Variants in GRM3 observed in about 807,000 individuals in gnomAD.
GRM3 encodes glutamate metabotropic receptor 3, also known as metabotropic glutamate receptor 3.
Under a neutral mutation model 70.5 loss-of-function variants are expected in GRM3, and 26 were observed. That is an observed-to-expected ratio of 0.37 (90% CI 0.27 to 0.51). The LOEUF (loss-of-function observed/expected upper bound fraction) is 0.51. GRM3 is among the 20% of genes least tolerant of loss of function. The pLI, the probability that GRM3 is intolerant of heterozygous loss-of-function variation, is 0.93. For synonymous variants in GRM3, 443 were observed against 434.9 expected, an observed-to-expected ratio of 1.02 and a Z score of -0.23; for missense variants, 859 against 1,123.8, an observed-to-expected ratio of 0.76 and a Z score of 3.37.
At chr7:86,780,136 G>T (rs1420394461) in intron 2 of GRM3, among the ~76,000 whole-genome samples, 1 of 152,172 alleles carries the variant, frequency 6.6e-6, no homozygotes, top group Middle Eastern at 3.4e-3. Context: ...TTGGACATTT[G>T]GGTTGGTTCC....
rs1304520905 is a variant in GRM3 at position 86,839,506 on chromosome 7, C to T, written c.1992C>T (p.Asn664=). ...ACTCAGCCCTGCTGACCAAGACAAACTGCATTGCCCGCATCTTCGATGGGG... is the reference window on the plus strand; with the variant it reads ...ACTCAGCCCTGCTGACCAAGACAAATTGCATTGCCCGCATCTTCGATGGGG... ...ICYSALLTKT[N]CIARIFDGVK... The change falls in exon 4 of 6, where the codon AAC becomes AAT. Residue 664 remains asparagine, a synonymous_variant. Coordinates refer to ENST00000361669, the MANE Select transcript of GRM3 (RefSeq NM_000840.3). This position sits in a 1 kb window ranked among gnomAD's most constrained non-coding sequence, Gnocchi z 4.5. 2.5e-6 allele frequency: 4 copies of T among 1,608,156 alleles called. No homozygotes were observed. In the Admixed American group the frequency reaches 6.7e-5, roughly 27 times the overall value.
chr7:86,736,419 A>G (rs1326181665), intron 1 of GRM3, among the ~76,000 whole-genome samples: 2 of 152,234 alleles, frequency 1.3e-5, no homozygotes, highest in Admixed American at 6.5e-5. Context: ...TTTGTAACAA[A>G]CAAATCCCAA....
intron 3 of GRM3, among the ~76,000 whole-genome samples, chr7:86,826,734 C>T (rs1481941185): frequency 6.6e-6 from 1 of 152,152 alleles, no homozygotes; most frequent in Non-Finnish European, 1.5e-5. Flanking sequence ...ACCAAGGTTT[C>T]TCAACTTCAG....
chr7:86,845,733 C>A (rs143263590), intron 4 of GRM3, among the ~76,000 whole-genome samples: 84 of 152,230 alleles, frequency 5.5e-4, no homozygotes, highest in Non-Finnish European at 1.0e-3. Flanking sequence ...ATAAATAAGA[C>A]ACATTTGTTT....
chr7:86,853,459 C>A (rs1177531786), intron 5 of GRM3, among the ~76,000 whole-genome samples: 2 of 152,156 alleles, frequency 1.3e-5, no homozygotes, highest in Non-Finnish European at 2.9e-5. Flanking sequence ...ATCCATTTCC[C>A]TCCTAAATAC....
intron 3 of GRM3, among the ~76,000 whole-genome samples, chr7:86,826,744 G>A (rs1480802078): frequency 6.6e-6 from 1 of 152,138 alleles, no homozygotes; most frequent in East Asian, 1.9e-4. Context: ...CTCAACTTCA[G>A]CACTATTGAC....
intron 2 of GRM3, among the ~76,000 whole-genome samples, chr7:86,773,792 A>G (rs1796807239): frequency 6.6e-6 from 1 of 152,116 alleles, no homozygotes; most frequent in South Asian, 2.1e-4. Context: ...TCTCATCAGA[A>G]GTAATTATCT....
chr7:86,735,973 C>G (rs1271497553), intron 1 of GRM3, among the ~76,000 whole-genome samples: 1 of 152,174 alleles, frequency 6.6e-6, no homozygotes, highest in African/African-American at 2.4e-5. Context: ...GAAATATAGA[C>G]TTGCCCAAGG....
chr7:86,806,707 C>T (rs1797801590), intron 3 of GRM3, among the ~76,000 whole-genome samples: 1 of 152,170 alleles, frequency 6.6e-6, no homozygotes, highest in African/African-American at 2.4e-5. Flanking sequence ...CCTGTTCACT[C>T]TGATGGTAGT....
chr7:86,708,559 C>T (rs1236250971), intron 1 of GRM3, among the ~76,000 whole-genome samples: 1 of 152,064 alleles, frequency 6.6e-6, no homozygotes, highest in East Asian at 1.9e-4. Context: ...GAGAGCTTTG[C>T]CAGCTGGGGA....
intron 1 of GRM3, among the ~76,000 whole-genome samples, chr7:86,716,900 GA>G (rs1562836384): frequency 6.6e-6 from 1 of 151,828 alleles, no homozygotes; most frequent in African/African-American, 2.4e-5. Flanking sequence ...ATAGATTAAA[GA>G]TTGATTTTTC....
intron 4 of GRM3, among the ~76,000 whole-genome samples, chr7:86,844,787 G>C (rs1299875619): frequency 6.6e-6 from 1 of 152,162 alleles, no homozygotes; most frequent in Non-Finnish European, 1.5e-5. Context: ...GAATCCTTGT[G>C]TCAGAAGACA....
intron 2 of GRM3, among the ~76,000 whole-genome samples, chr7:86,782,139 A>G (rs750352937): frequency 3.9e-5 from 6 of 152,066 alleles, no homozygotes; most frequent in Non-Finnish European, 8.8e-5. Flanking sequence ...TTATTCATTT[A>G]TATTTCTTCT....
At chr7:86,706,702 A>G (rs1795066003) in intron 1 of GRM3, among the ~76,000 whole-genome samples, 2 of 152,074 alleles carry the variant, frequency 1.3e-5, no homozygotes, top group African/African-American at 4.8e-5. Flanking sequence ...TTACTCTAGT[A>G]TGCCAGGCAC....
chr7:86,751,374 A>C (rs1796227215), intron 1 of GRM3, among the ~76,000 whole-genome samples: 1 of 152,104 alleles, frequency 6.6e-6, no homozygotes, highest in East Asian at 1.9e-4. Context: ...GAGTCCCAAC[A>C]AACTTCATTT....
intron 1 of GRM3, among the ~76,000 whole-genome samples, chr7:86,710,686 A>G (rs1448525616): frequency 6.6e-6 from 1 of 151,762 alleles, no homozygotes; most frequent in Non-Finnish European, 1.5e-5. Context: ...AAGAAAATAA[A>G]GTTTCTTTCT....
chr7:86,722,345 A>G (rs2057833), intron 1 of GRM3, among the ~76,000 whole-genome samples: 17,749 of 152,096 alleles, frequency 0.12, 2,151 homozygotes, highest in African/African-American at 0.31. Context: ...GAGACTTGGA[A>G]CCAACAAAAA....
At chr7:86,687,711 C>G (rs998993634) in intron 1 of GRM3, among the ~76,000 whole-genome samples, 2 of 151,610 alleles carry the variant, frequency 1.3e-5, no homozygotes, top group Non-Finnish European at 3.0e-5. Context: ...TTGGGGTAAA[C>G]GTAATTGCAT....
intron 5 of GRM3, 114 bp from the exon 6 acceptor site, chr7:86,864,168 C>T: frequency 1.4e-6 from 1 of 699,710 alleles, no homozygotes; most frequent in South Asian, 1.6e-5. Context: ...TTTTATCCCT[C>T]ACCTCCTTCC....
Sources: gnomAD v4.1 joint callset for allele counts (sites outside exome capture counted in the v4.1 genomes callset) on GRCh38, gnomAD v4.1.1 for gene constraint, Gnocchi (gnomAD v3.1) non-coding constraint, MANE v1.5 for transcripts, NCBI Gene and HGNC (gene_info 2026-07-23, HGNC 2026-07-21) for gene names.